RIMS2: variants seen among roughly 807,000 people sequenced by gnomAD.
The protein encoded by RIMS2 is regulating synaptic membrane exocytosis protein 2.
In RIMS2, 59 loss-of-function variants were observed where a neutral mutation model predicts 174.4. The ratio of observed to expected loss-of-function variants is 0.34; its 90% confidence interval spans 0.27 to 0.42. The LOEUF is 0.42. RIMS2 is among the 10% of genes least tolerant of loss of function. The pLI is 1.00. For missense variants in RIMS2, 1,620 were observed against 1,666.3 expected (o/e 0.97, Z 0.48); for synonymous variants, 606 against 572.5 (o/e 1.06, Z -0.84).
At chr8:104,058,832 T>C (rs2096922718) in intron 19 of RIMS2, among the ~76,000 whole-genome samples, 1 of 152,224 alleles carries the variant, frequency 6.6e-6, no homozygotes, top group South Asian at 2.1e-4. Context: ...GGGAATCCTT[T>C]CCCCATTGCT....
At chr8:103,952,258 G>A (rs974859615) in intron 14 of RIMS2, among the ~76,000 whole-genome samples, 4 of 152,286 alleles carry the variant, frequency 2.6e-5, no homozygotes, top group South Asian at 2.1e-4. Flanking sequence ...TTTGAGCTCC[G>A]ATAAGGGACA....
At chr8:104,101,022 A>T (rs1378381874) in intron 19 of RIMS2, among the ~76,000 whole-genome samples, 2 of 140,218 alleles carry the variant, frequency 1.4e-5, no homozygotes, top group African/African-American at 5.3e-5. Context: ...TTACATATGT[A>T]ATATATGTTA....
intron 3 of RIMS2, among the ~76,000 whole-genome samples, chr8:103,779,320 C>T (rs2098357921): frequency 6.6e-6 from 1 of 152,032 alleles, no homozygotes; most frequent in African/African-American, 2.4e-5. Context: ...AATCTTTGCC[C>T]AGATCTATGT....
At chr8:103,702,587 T>C (rs1278395540) in intron 2 of RIMS2, among the ~76,000 whole-genome samples, 3 of 152,204 alleles carry the variant, frequency 2.0e-5, no homozygotes, top group Non-Finnish European at 4.4e-5. Context: ...ATTTGATTTT[T>C]ATATACAGTG....
intron 14 of RIMS2, among the ~76,000 whole-genome samples, chr8:103,951,868 G>A (rs2085466651): frequency 6.6e-6 from 1 of 152,222 alleles, no homozygotes; most frequent in Non-Finnish European, 1.5e-5. Flanking sequence ...AATTCTTGCT[G>A]CTTGCACAGC....
At chr8:104,125,332 T>C (rs2098419880) in intron 19 of RIMS2, among the ~76,000 whole-genome samples, 2 of 152,176 alleles carry the variant, frequency 1.3e-5, no homozygotes, top group Non-Finnish European at 2.9e-5. Context: ...TTGCTTTTGT[T>C]GAAACCCTGA....
Position 104,223,610 on chromosome 8 carries a change from C to A in RIMS2, c.3335-21306C>A. The A allele has an allele frequency of 2.6e-6, 4 of 1,544,806 alleles. No homozygotes were observed. In the South Asian group the frequency reaches 4.6e-5, roughly 18 times the overall value. ...ACGCTGCGCCCCAGCCGCCAAGACG[C>A]CGCGTATCTTGTACCGCGGGAAAAG... On this transcript the variant is annotated intron_variant, in intron 19 of 23. Coordinates refer to ENST00000504942, the Ensembl canonical transcript of RIMS2.
At chr8:103,528,619 G>A (rs566043645) in intron 1 of RIMS2, among the ~76,000 whole-genome samples, 15 of 152,296 alleles carry the variant, frequency 9.8e-5, no homozygotes, top group Admixed American at 5.2e-4. Flanking sequence ...TGGCTAGCCA[G>A]TTTTCCCAGC....
At chr8:103,971,837 C>G (rs925171894) in intron 15 of RIMS2, among the ~76,000 whole-genome samples, 1 of 152,170 alleles carries the variant, frequency 6.6e-6, no homozygotes, top group African/African-American at 2.4e-5. Context: ...TCCCAAAGTG[C>G]TGGGATTAGA....
chr8:103,848,243 A>G (rs2098978417), intron 3 of RIMS2, among the ~76,000 whole-genome samples: 1 of 152,062 alleles, frequency 6.6e-6, no homozygotes, highest in Non-Finnish European at 1.5e-5. Context: ...TTCAAGGCCA[A>G]CACTGAATGA....
chr8:103,761,595 A>T (rs2098113769), intron 2 of RIMS2, among the ~76,000 whole-genome samples: 1 of 152,200 alleles, frequency 6.6e-6, no homozygotes, highest in Non-Finnish European at 1.5e-5. Context: ...CACCCATTCC[A>T]CTTATAATCC....
At chr8:103,593,652 C>G (rs2094359506) in intron 1 of RIMS2, among the ~76,000 whole-genome samples, 1 of 151,364 alleles carries the variant, frequency 6.6e-6, no homozygotes, top group African/African-American at 2.4e-5. Context: ...CAGCCACCTT[C>G]TACTAAGCTA....
At chr8:104,218,945 A>T (rs1012006467) in intron 19 of RIMS2, among the ~76,000 whole-genome samples, 5 of 152,236 alleles carry the variant, frequency 3.3e-5, no homozygotes, top group African/African-American at 1.2e-4. Flanking sequence ...TGGTCTAGAC[A>T]TGATAGAGCT....
At chr8:103,919,244 C>G (rs2077152804) in intron 9 of RIMS2, among the ~76,000 whole-genome samples, 1 of 152,084 alleles carries the variant, frequency 6.6e-6, no homozygotes, top group African/African-American at 2.4e-5. Flanking sequence ...TTTGGAGTGG[C>G]TGCCTGGGGG....
chr8:103,854,319 A>G (rs2099015010), intron 3 of RIMS2, among the ~76,000 whole-genome samples: 1 of 151,960 alleles, frequency 6.6e-6, no homozygotes, highest in Non-Finnish European at 1.5e-5. Context: ...AGATAGATTG[A>G]CTTCTTCTTT....
At chr8:103,786,343 G>T (rs1247515742) in intron 3 of RIMS2, among the ~76,000 whole-genome samples, 3 of 151,914 alleles carry the variant, frequency 2.0e-5, no homozygotes, top group Non-Finnish European at 4.4e-5. Context: ...TGCTTTTCTA[G>T]TTCTTTTAAT....
At chr8:103,816,424 T>C (rs1345972371) in intron 3 of RIMS2, among the ~76,000 whole-genome samples, 2 of 152,172 alleles carry the variant, frequency 1.3e-5, no homozygotes, top group East Asian at 1.9e-4. Flanking sequence ...CTAGGCACTA[T>C]GCTAGATGAA....
intron 19 of RIMS2, among the ~76,000 whole-genome samples, chr8:104,151,218 A>G (rs187918229): frequency 1.3e-5 from 2 of 152,184 alleles, no homozygotes; most frequent in East Asian, 3.9e-4. Context: ...GATGACTCCC[A>G]TATTTCTGAC....
chr8:104,217,932 G>T (rs2099138032), intron 19 of RIMS2, among the ~76,000 whole-genome samples: 2 of 152,096 alleles, frequency 1.3e-5, no homozygotes, highest in South Asian at 4.1e-4. Context: ...AATAATTTAG[G>T]ATCCTGAGGG....
Sources: allele counts gnomAD v4.1 joint callset (sites outside exome capture counted in the v4.1 genomes callset), GRCh38; gene constraint gnomAD v4.1.1; transcripts MANE v1.5; gene names NCBI Gene and HGNC (gene_info 2026-07-23, HGNC 2026-07-21).